The following CSMD1 variants were observed in gnomAD, a reference collection of about 807,000 sequenced individuals.
CSMD1 encodes the protein CUB and Sushi multiple domains 1.
Under a neutral mutation model 417.5 loss-of-function variants are expected in CSMD1, and 213 were observed. The observed-to-expected ratio is 0.51, with a 90% CI of 0.46 to 0.57. The LOEUF (loss-of-function observed/expected upper bound fraction) is 0.57, where lower values mean the gene tolerates loss of function less well. Among genes scored for constraint, CSMD1 ranks in the 20% least tolerant of loss-of-function variants. The pLI is 0.00. For synonymous variants in CSMD1, 2,862 were observed against 1,736.8 expected (o/e 1.65, Z -16.11); for missense variants, 6,923 against 4,529.7 (o/e 1.53, Z -15.17).
At chr8:2,940,266 C>A (rs1585026925) in intron 69 of CSMD1, among the ~76,000 whole-genome samples, 1 of 152,214 alleles carries the variant, frequency 6.6e-6, no homozygotes, top group Non-Finnish European at 1.5e-5. Flanking sequence ...AAAAATTCCA[C>A]CATCCCTCGC....
intron 3 of CSMD1, among the ~76,000 whole-genome samples, chr8:4,398,631 C>A (rs546368576): frequency 3.9e-5 from 6 of 151,972 alleles, no homozygotes; most frequent in Non-Finnish European, 8.8e-5. Context: ...TCCTGACCTC[C>A]TGATCTGCCC....
rs532409447 is a variant in CSMD1 at position 2,938,625 on chromosome 8, C to T, written c.10655G>A (p.Arg3552Lys). 1 of 1,612,280 alleles carries T rather than the reference C, an allele frequency of 6.2e-7. No individual in the cohort carries two copies. The highest frequency in any genetic ancestry group is 8.5e-7 in the Non-Finnish European group (1 of 1,179,204). Residue 3552 changes from arginine to lysine, a missense_variant, in exon 70 of 70, where the codon AGG becomes AAG. Arg to Lys is a conservative substitution (Grantham distance 26). Coordinates refer to ENST00000635120, the MANE Select transcript of CSMD1 (RefSeq NM_033225.6). Reference protein sequence around the residue: ...NLKPTEAKAVRFDTTLNTVCT... With the variant: ...NLKPTEAKAVKFDTTLNTVCT... ...GACTGTGTTCAGAGTTGTGTCAAAC[C>T]TCACAGCCTTGGCTTCTGTGGGTTT... is the stretch of plus-strand genomic sequence containing the variant.
At chr8:4,188,089 G>C (rs146915177) in intron 3 of CSMD1, among the ~76,000 whole-genome samples, 3 of 152,028 alleles carry the variant, frequency 2.0e-5, no homozygotes, top group African/African-American at 7.3e-5. Flanking sequence ...AGTGACTGCT[G>C]GCAGGATGCA....
intron 3 of CSMD1, among the ~76,000 whole-genome samples, chr8:4,088,653 G>C (rs575952307): frequency 2.0e-5 from 3 of 152,184 alleles, no homozygotes; most frequent in South Asian, 4.1e-4. Context: ...CAAAGTCATT[G>C]TCTTCATGTT....
At chr8:3,991,295 T>C (rs556516685) in intron 5 of CSMD1, among the ~76,000 whole-genome samples, 3 of 152,336 alleles carry the variant, frequency 2.0e-5, no homozygotes, top group South Asian at 2.1e-4. Context: ...TATTTGCCTA[T>C]TGAGTTTCAG....
At chr8:3,043,224 A>G (rs1404494273) in intron 50 of CSMD1, among the ~76,000 whole-genome samples, 1 of 151,812 alleles carries the variant, frequency 6.6e-6, no homozygotes, top group Non-Finnish European at 1.5e-5. Flanking sequence ...TAAATACTAG[A>G]TATGACCTAG....
intron 12 of CSMD1, among the ~76,000 whole-genome samples, chr8:3,424,854 A>C (rs977862926): frequency 6.6e-6 from 1 of 152,150 alleles, no homozygotes; most frequent in Non-Finnish European, 1.5e-5. Flanking sequence ...ATATTATTTT[A>C]TTTGAGACAG....
In CSMD1 at chr8:4,225,503, CTT is replaced by C. The variant is rs11356680; in HGVS notation, c.416-193406_416-193405del. Among the ~76,000 whole-genome samples the C allele has an allele frequency of 6.1e-3, 859 of 141,706 alleles. 5 individuals carry two copies. The highest frequency in any genetic ancestry group is 0.031 in the East Asian group (149 of 4,868). The allele number at this position is 141,706 out of a possible 152,430, so 93.0% of individuals were successfully genotyped here. ...CAAGTTTATATAAAGCAACTCATCA[CTT>C]TTTTTTTTTTTTTTATTCCTTTTTG... On this transcript the variant is annotated intron_variant, in intron 3 of 69. Transcript: ENST00000635120.
At chr8:4,203,898 T>C in intron 3 of CSMD1, among the ~76,000 whole-genome samples, 1 of 152,108 alleles carries the variant, frequency 6.6e-6, no homozygotes, top group Admixed American at 6.6e-5. Context: ...CCAAGGAGTT[T>C]GAGGCCAGCC....
At chr8:3,582,883 T>A (rs927649256) in intron 9 of CSMD1, among the ~76,000 whole-genome samples, 1 of 152,196 alleles carries the variant, frequency 6.6e-6, no homozygotes, top group South Asian at 2.1e-4. Context: ...AATAAACACA[T>A]ACCTTTCCCA....
chr8:4,043,258 T>G (rs528707072), intron 3 of CSMD1, among the ~76,000 whole-genome samples: 31 of 152,118 alleles, frequency 2.0e-4, no homozygotes, highest in African/African-American at 7.0e-4. Flanking sequence ...TAGGCTAGCA[T>G]AGGAGATAAA....
At chr8:3,005,264 G>C (rs144687173) in intron 52 of CSMD1, among the ~76,000 whole-genome samples, 3 of 152,320 alleles carry the variant, frequency 2.0e-5, no homozygotes, top group African/African-American at 7.2e-5. Flanking sequence ...GAGTTACAAA[G>C]AGTTTCCGTA....
At position 3,553,122 on chromosome 8, in the gene CSMD1, G is replaced by GAAA. The variant is rs111389411; in HGVS notation, c.1344+21822_1344+21823insTTT. 3.4e-5 allele frequency among the ~76,000 whole-genome samples: 5 copies of GAAA among 146,878 alleles called. No individual in the cohort carries two copies. The East Asian group carries it at 6.1e-4, about 18-fold the overall frequency. ...AGCTAAAAAATAAATTGTGGACAAG[G>GAAA]AGAAAAAAAAAAAGAAAGGAAAGAC... On this transcript the variant is annotated intron_variant, in intron 10 of 69. Transcript: ENST00000635120.
At chr8:4,004,056 A>T (rs1305856503) in intron 4 of CSMD1, among the ~76,000 whole-genome samples, 2 of 152,224 alleles carry the variant, frequency 1.3e-5, no homozygotes, top group Non-Finnish European at 2.9e-5. Flanking sequence ...AACAGAAAAA[A>T]GGGTATAATG....
At chr8:3,655,349 C>T (rs1414772786) in intron 7 of CSMD1, among the ~76,000 whole-genome samples, 2 of 152,220 alleles carry the variant, frequency 1.3e-5, no homozygotes, top group Non-Finnish European at 1.5e-5. Flanking sequence ...GTCATCTTCC[C>T]TACAGCGAAT....
chr8:4,107,396 T>C (rs17332636), intron 3 of CSMD1, among the ~76,000 whole-genome samples: 3,574 of 152,232 alleles, frequency 0.023, 65 homozygotes, highest in Non-Finnish European at 0.039. Flanking sequence ...CAAAAATCAC[T>C]CGCTCCACAG....
intron 3 of CSMD1, among the ~76,000 whole-genome samples, chr8:4,325,308 T>A (rs1012126102): frequency 1.3e-5 from 2 of 152,164 alleles, no homozygotes; most frequent in Non-Finnish European, 2.9e-5. Context: ...AATGGCAACC[T>A]AGCAAGAAAC....
At chr8:3,241,083 AG>A (rs1799474312) in intron 26 of CSMD1, among the ~76,000 whole-genome samples, 1 of 150,786 alleles carries the variant, frequency 6.6e-6, no homozygotes, top group Non-Finnish European at 1.5e-5. Flanking sequence ...ATACAAGAGG[AG>A]GACGCAACGG....
At chr8:3,357,327 G>C (rs1456217152) in intron 21 of CSMD1, among the ~76,000 whole-genome samples, 1 of 152,202 alleles carries the variant, frequency 6.6e-6, no homozygotes, top group Non-Finnish European at 1.5e-5. Flanking sequence ...CTTGGGCAAA[G>C]TTTGTAGAGT....
Sources: allele counts gnomAD v4.1 joint callset (sites outside exome capture counted in the v4.1 genomes callset), GRCh38; gene constraint gnomAD v4.1.1; transcripts MANE v1.5; gene names NCBI Gene and HGNC (gene_info 2026-07-23, HGNC 2026-07-21).